The following GALNT7 variants were observed in gnomAD, a reference collection of about 807,000 sequenced individuals.
GALNT7 encodes polypeptide N-acetylgalactosaminyltransferase 7, also known as N-acetylgalactosaminyltransferase 7.
In GALNT7, 60 loss-of-function variants were observed where a neutral mutation model predicts 82.1. That is an observed-to-expected ratio of 0.73 (90% CI 0.59 to 0.91). The LOEUF is 0.91. Ranked by LOEUF, GALNT7 falls within the 40% of genes least tolerant of loss-of-function variation. GALNT7 has a pLI of 0.00. For missense variants in GALNT7, 660 were observed against 804.2 expected (o/e 0.82, Z 2.17); for synonymous variants, 243 against 275.1 (o/e 0.88, Z 1.15).
Position 173,255,961 on chromosome 4 carries a change from G to A in GALNT7, c.587+7521G>A, listed in dbSNP as rs115354502. Among the ~76,000 whole-genome samples, 492 of 152,280 alleles carry A rather than the reference G, an allele frequency of 3.2e-3. 2 individuals carry two copies. The highest frequency in any genetic ancestry group is 0.011 in the African/African-American group (463 of 41,556). On this transcript the variant is annotated intron_variant, in intron 2 of 11. Coordinates refer to ENST00000265000, the MANE Select transcript of GALNT7 (RefSeq NM_017423.3). ...CTTTGATGCATATTGGCTCCTGTGT[G>A]TTTGGTAAATAGGGAAATTATATCA...
intron 1 of GALNT7, among the ~76,000 whole-genome samples, chr4:173,244,393 A>C (rs901279080): frequency 5.9e-5 from 9 of 152,220 alleles, no homozygotes; most frequent in Non-Finnish European, 1.0e-4. Context: ...GCAGGGAAAG[A>C]AACATGTTGA....
chr4:173,307,394 C>T (rs184323782), intron 8 of GALNT7, among the ~76,000 whole-genome samples: 209 of 152,340 alleles, frequency 1.4e-3, no homozygotes, highest in Non-Finnish European at 2.5e-3. Context: ...GTTTGTGAGA[C>T]AGCTGAAGTA....
chr4:173,196,967 G>T (rs1395103103), intron 1 of GALNT7, among the ~76,000 whole-genome samples: 2 of 150,748 alleles, frequency 1.3e-5, no homozygotes, highest in Non-Finnish European at 3.0e-5. Flanking sequence ...AATGCATATA[G>T]AATTTGGGTT....
At chr4:173,209,518 A>C (rs1008432010) in intron 1 of GALNT7, among the ~76,000 whole-genome samples, 1 of 152,184 alleles carries the variant, frequency 6.6e-6, no homozygotes, top group Non-Finnish European at 1.5e-5. Context: ...ACATTTGTGT[A>C]GTTACTTGGA....
chr4:173,240,397 T>C (rs1734388544), intron 1 of GALNT7, among the ~76,000 whole-genome samples: 1 of 147,104 alleles, frequency 6.8e-6, no homozygotes, highest in Non-Finnish European at 1.5e-5. Context: ...GAGACAGAGC[T>C]TCGCTTTTGT....
chr4:173,216,733 T>A (rs1449613853), intron 1 of GALNT7, among the ~76,000 whole-genome samples: 4 of 85,066 alleles, frequency 4.7e-5, no homozygotes, highest in African/African-American at 2.4e-4. Flanking sequence ...ATATATTTTT[T>A]TTTTTTTTTT....
At chr4:173,258,772 A>G (rs1180439555) in intron 2 of GALNT7, among the ~76,000 whole-genome samples, 1 of 152,162 alleles carries the variant, frequency 6.6e-6, no homozygotes, top group African/African-American at 2.4e-5. Flanking sequence ...ATATACACCC[A>G]TTGCCTTGTT....
intron 2 of GALNT7, among the ~76,000 whole-genome samples, chr4:173,270,452 G>A (rs929027191): frequency 3.3e-5 from 5 of 152,202 alleles, no homozygotes; most frequent in African/African-American, 1.2e-4. Flanking sequence ...CTTAGGTAAT[G>A]AGGAAGCTGT....
chr4:173,261,930 C>T (rs553624044), intron 2 of GALNT7, among the ~76,000 whole-genome samples: 4 of 152,064 alleles, frequency 2.6e-5, no homozygotes, highest in South Asian at 2.1e-4. Flanking sequence ...AAATTTTAAT[C>T]GTTAATTCAT....
intron 2 of GALNT7, among the ~76,000 whole-genome samples, chr4:173,260,884 T>C (rs919747391): frequency 1.3e-5 from 2 of 152,216 alleles, no homozygotes; most frequent in African/African-American, 4.8e-5. Context: ...ACTCAATTTT[T>C]GGTGAACCCA....
chr4:173,233,240 G>A (rs1734097217), intron 1 of GALNT7, among the ~76,000 whole-genome samples: 1 of 152,050 alleles, frequency 6.6e-6, no homozygotes, highest in Admixed American at 6.5e-5. Context: ...CCTTTCCTTT[G>A]GATAAATACC....
At chr4:173,210,411 A>C (rs1733241672) in intron 1 of GALNT7, among the ~76,000 whole-genome samples, 1 of 152,216 alleles carries the variant, frequency 6.6e-6, no homozygotes, top group Non-Finnish European at 1.5e-5. Context: ...ACAAATCTCT[A>C]TCAAAAGCCA....
chr4:173,288,595 A>G (rs1736426574), intron 2 of GALNT7, among the ~76,000 whole-genome samples: 1 of 152,136 alleles, frequency 6.6e-6, no homozygotes, highest in Non-Finnish European at 1.5e-5. Flanking sequence ...CCAGCGGAAT[A>G]AAATTAACTT....
chr4:173,215,359 T>G (rs1172709805), intron 1 of GALNT7, among the ~76,000 whole-genome samples: 1 of 151,960 alleles, frequency 6.6e-6, no homozygotes, highest in Admixed American at 6.6e-5. Context: ...ACCTTCCAAG[T>G]AGCAGTGATT....
chr4:173,187,668 T>C (rs551418148), intron 1 of GALNT7, among the ~76,000 whole-genome samples: 48 of 152,342 alleles, frequency 3.2e-4, no homozygotes, highest in African/African-American at 1.1e-3. Context: ...TAACTTAAAG[T>C]TGTGGACTTT....
At chr4:173,170,872 G>A (rs1218732785) in intron 1 of GALNT7, among the ~76,000 whole-genome samples, 1 of 152,146 alleles carries the variant, frequency 6.6e-6, no homozygotes, top group Non-Finnish European at 1.5e-5. Flanking sequence ...CCAACTCGTG[G>A]AATATTTTAT....
intron 2 of GALNT7, among the ~76,000 whole-genome samples, chr4:173,269,322 A>G (rs910571968): frequency 6.6e-6 from 1 of 152,154 alleles, no homozygotes; most frequent in Admixed American, 6.5e-5. Context: ...CCCATAATTC[A>G]TCTTTCCTTG....
chr4:173,212,492 A>C (rs966030961), intron 1 of GALNT7, among the ~76,000 whole-genome samples: 1 of 152,194 alleles, frequency 6.6e-6, no homozygotes, highest in Non-Finnish European at 1.5e-5. Context: ...GCTTCAGTTT[A>C]GATTATCTAG....
At chr4:173,234,848 G>A (rs1165393319) in intron 1 of GALNT7, among the ~76,000 whole-genome samples, 1 of 152,070 alleles carries the variant, frequency 6.6e-6, no homozygotes, top group African/African-American at 2.4e-5. Context: ...CCTTCTCTCT[G>A]TATCTTGCTC....
Sources: allele counts gnomAD v4.1 joint callset (sites outside exome capture counted in the v4.1 genomes callset), GRCh38; gene constraint gnomAD v4.1.1; transcripts MANE v1.5; gene names NCBI Gene and HGNC (gene_info 2026-07-23, HGNC 2026-07-21).